PPP1R1C: variants seen among roughly 807,000 people sequenced by gnomAD.
The protein encoded by PPP1R1C is protein phosphatase 1 regulatory subunit 1C.
PPP1R1C carries 15 observed loss-of-function variants against 17.4 expected under a neutral mutation model. That is an observed-to-expected ratio of 0.86 (90% CI 0.58 to 1.33). PPP1R1C has a LOEUF of 1.33. PPP1R1C is among the 40% of genes most tolerant of loss of function. PPP1R1C has a pLI of 0.00. For synonymous variants in PPP1R1C, 35 were observed against 43.1 expected, an observed-to-expected ratio of 0.81 and a Z score of 0.73; for missense variants, 143 against 130.0, an observed-to-expected ratio of 1.10 and a Z score of -0.48.
At chr2:182,130,926 C>T (rs754900012), downstream of PPP1R1C, 21 of 152,162 alleles carry the variant, frequency 1.4e-4, no homozygotes, top group Non-Finnish European at 2.4e-4. Context: ...TGATAACAAG[C>T]TCGAGCTACA....
intron 4 of PPP1R1C, among the ~76,000 whole-genome samples, chr2:182,070,525 T>C (rs1397979203): frequency 6.6e-6 from 1 of 152,258 alleles, no homozygotes; most frequent in Non-Finnish European, 1.5e-5. Context: ...TTACATGTTT[T>C]AAAGTTAGAT....
At chr2:181,963,422 C>T (rs1163180778) in intron 1 of PPP1R1C, among the ~76,000 whole-genome samples, 4 of 152,284 alleles carry the variant, frequency 2.6e-5, no homozygotes, top group South Asian at 2.1e-4. Flanking sequence ...GGGTGGACCA[C>T]GAGGTCAGGA....
chr2:181,971,659 A>G (rs1375604449), intron 1 of PPP1R1C, among the ~76,000 whole-genome samples: 1 of 152,152 alleles, frequency 6.6e-6, no homozygotes, highest in Non-Finnish European at 1.5e-5. Context: ...GCAGTCCTTG[A>G]GGCATAGATT....
intron 1 of PPP1R1C, among the ~76,000 whole-genome samples, chr2:181,964,747 C>T (rs1054329146): frequency 6.6e-6 from 1 of 151,822 alleles, no homozygotes; most frequent in Non-Finnish European, 1.5e-5. Context: ...ACCCTGTTAC[C>T]CAGGCTGAAG....
chr2:182,095,694 C>T lies in PPP1R1C; in HGVS notation c.242-21513C>T, dbSNP rs541841245. Among the ~76,000 whole-genome samples, 8 of 152,288 alleles carry T rather than the reference C, an allele frequency of 5.3e-5. No homozygotes were observed. In the South Asian group the frequency reaches 6.2e-4, roughly 12 times the overall value. On this transcript the variant is annotated intron_variant, in intron 4 of 4. Transcript: ENST00000682840. ...AAAGTAATATCTTTTCTTTACCCAT[C>T]AGATGGGTAGTAACTGGCCAGGAGC...
intron 5 of PPP1R1C, among the ~76,000 whole-genome samples, chr2:182,126,994 A>G (rs1689890768): frequency 6.6e-6 from 1 of 152,096 alleles, no homozygotes; most frequent in Non-Finnish European, 1.5e-5. Flanking sequence ...TTTTCTCTGA[A>G]TTTCAGTAAC....
At chr2:182,032,119 A>G (rs1319427786) in intron 2 of PPP1R1C, among the ~76,000 whole-genome samples, 1 of 152,254 alleles carries the variant, frequency 6.6e-6, no homozygotes, top group Non-Finnish European at 1.5e-5. Context: ...AACAAATCAT[A>G]GCAGATAAAC....
intron 2 of PPP1R1C, among the ~76,000 whole-genome samples, chr2:182,042,801 AT>A (rs939276346): frequency 3.9e-5 from 6 of 152,224 alleles, no homozygotes; most frequent in Admixed American, 2.0e-4. Flanking sequence ...ACAGGAAAAC[AT>A]GGTACTGAAA....
At chr2:182,025,196 A>ATTATTAT (rs1686562481) in intron 2 of PPP1R1C, among the ~76,000 whole-genome samples, 1 of 145,794 alleles carries the variant, frequency 6.9e-6, no homozygotes, top group African/African-American at 2.6e-5. Context: ...TATTATTATT[A>ATTATTAT]TTATTTATTT....
At chr2:182,010,791 T>G (rs1487379598) in intron 2 of PPP1R1C, among the ~76,000 whole-genome samples, 1 of 152,014 alleles carries the variant, frequency 6.6e-6, no homozygotes, top group East Asian at 1.9e-4. Flanking sequence ...TGTGGAGGTA[T>G]GTACCTTCTA....
chr2:181,997,547 C>A (rs186107183), intron 2 of PPP1R1C, among the ~76,000 whole-genome samples: 206 of 152,050 alleles, frequency 1.4e-3, no homozygotes, highest in Non-Finnish European at 2.5e-3. Context: ...TAAAATCCAA[C>A]CTTGAATAAA....
At chr2:181,972,150 T>G (rs1473461529) in intron 1 of PPP1R1C, among the ~76,000 whole-genome samples, 1 of 152,256 alleles carries the variant, frequency 6.6e-6, no homozygotes, top group Admixed American at 6.5e-5. Context: ...TATCATTCTC[T>G]GTCTCCTCTC....
chr2:182,096,452 G>A (rs576495543), intron 4 of PPP1R1C, among the ~76,000 whole-genome samples: 38 of 151,354 alleles, frequency 2.5e-4, no homozygotes, highest in Admixed American at 7.9e-4. Flanking sequence ...GTCCGTACAC[G>A]GCTTTCCAAT....
At chr2:182,044,572 G>A (rs1559069877) in intron 2 of PPP1R1C, among the ~76,000 whole-genome samples, 1 of 152,020 alleles carries the variant, frequency 6.6e-6, no homozygotes, top group Non-Finnish European at 1.5e-5. Context: ...TTCCTTTAAG[G>A]AAAAAAATGA....
rs559408857 is a variant in PPP1R1C, at chr2:182,036,433, G to A, written c.143-25009G>A. ...TGGATTATTACTATTATTATTTGTT[G>A]CTTATTTCATGTATATAACTAAAAT... On this transcript the variant is annotated intron_variant, in intron 2 of 4. Transcript: ENST00000682840. Among the ~76,000 whole-genome samples, 3 of 152,190 alleles carry A rather than the reference G, an allele frequency of 2.0e-5. No homozygotes were observed. In the East Asian group the frequency reaches 5.8e-4, roughly 29 times the overall value.
In PPP1R1C at chr2:181,961,802, G is replaced by A. The variant is rs557749925; in HGVS notation, n.111+7168G>A. On this transcript the variant is annotated intron_variant and non_coding_transcript_variant, in intron 1 of 5. Transcript: ENST00000464264. This position sits in a 1 kb window ranked among gnomAD's most constrained non-coding sequence, Gnocchi z 5.8. Reference sequence around the variant, plus strand: ...ACGGTCAACTCAGAGCTGGCAATCTGGGCTTGTAGGCCTTTTACTTCCTCT... The same window carrying A: ...ACGGTCAACTCAGAGCTGGCAATCTAGGCTTGTAGGCCTTTTACTTCCTCT... The A allele has an allele frequency of 6.5e-4, 842 of 1,302,938 alleles. 1 individual carries two copies. Among genetic ancestry groups the A allele is most frequent in the Non-Finnish European group, 8.0e-4 (730 of 907,782 alleles). The allele number at this position is 1,302,938 out of a possible 1,614,324, so 80.7% of individuals were successfully genotyped here.
chr2:182,022,561 A>G (rs538856770), intron 2 of PPP1R1C, among the ~76,000 whole-genome samples: 1 of 152,342 alleles, frequency 6.6e-6, no homozygotes, highest in Non-Finnish European at 1.5e-5. Flanking sequence ...TACGTAGCAC[A>G]AAATAATTCT....
downstream of PPP1R1C, among the ~76,000 whole-genome samples, chr2:182,119,638 G>T (rs113556674): frequency 0.012 from 1,853 of 152,230 alleles, 18 homozygotes; most frequent in Middle Eastern, 0.024. Flanking sequence ...GTTTTGATTT[G>T]CATTTCTCTG....
At chr2:182,088,188 C>A (rs1445979421) in intron 4 of PPP1R1C, among the ~76,000 whole-genome samples, 1 of 151,942 alleles carries the variant, frequency 6.6e-6, no homozygotes, top group Non-Finnish European at 1.5e-5. Flanking sequence ...TAAAGATTTA[C>A]GGGTAGATCT....
Sources: gnomAD v4.1 joint callset for allele counts (sites outside exome capture counted in the v4.1 genomes callset) on GRCh38, gnomAD v4.1.1 for gene constraint, Gnocchi (gnomAD v3.1) non-coding constraint, MANE v1.5 for transcripts, NCBI Gene and HGNC (gene_info 2026-07-23, HGNC 2026-07-21) for gene names.